Variants in DCLK1 observed in about 807,000 individuals in gnomAD.
DCLK1 encodes doublecortin like kinase 1.
A neutral mutation model predicts 86.2 loss-of-function variants in DCLK1; 16 were observed. That is an observed-to-expected ratio of 0.19 (90% CI 0.13 to 0.28). The LOEUF is 0.28. DCLK1 is among the 10% of genes least tolerant of loss of function. DCLK1 has a pLI of 1.00. For synonymous variants in DCLK1, 369 were observed against 370.5 expected, an observed-to-expected ratio of 1.00 and a Z score of 0.05; for missense variants, 590 against 940.2, an observed-to-expected ratio of 0.63 and a Z score of 4.87.
intron 3 of DCLK1, among the ~76,000 whole-genome samples, chr13:36,099,842 A>G (rs1259104020): frequency 6.6e-6 from 1 of 152,164 alleles, no homozygotes; most frequent in Non-Finnish European, 1.5e-5. Context: ...GTACAATACA[A>G]TAATACATGA....
chr13:36,026,083 C>G (rs766998974), intron 3 of DCLK1, among the ~76,000 whole-genome samples: 1 of 152,138 alleles, frequency 6.6e-6, no homozygotes, highest in African/African-American at 2.4e-5. Context: ...GTTAGCTATA[C>G]ATTTATTCAT....
intron 3 of DCLK1, among the ~76,000 whole-genome samples, chr13:36,055,643 A>G (rs1883275753): frequency 6.6e-6 from 1 of 152,284 alleles, no homozygotes; most frequent in South Asian, 2.1e-4. Context: ...ACAAATTCAG[A>G]CACCACACTG....
rs1246814746 is a variant in DCLK1 at position 36,110,769 on chromosome 13, C to G, written c.723+1100G>C. ...AAACTTCCAGCAAAGATAGTGTGCT[C>G]AAAAGTATAATCTGGTAAACTCTGA... is the stretch of plus-strand genomic sequence containing the variant. On this transcript the variant is annotated intron_variant, in intron 3 of 16. Coordinates refer to ENST00000360631, the MANE Select transcript of DCLK1 (RefSeq NM_001330071.2). Among the ~76,000 whole-genome samples, 6 of 150,880 alleles carry G rather than the reference C, an allele frequency of 4.0e-5. No individual in the cohort carries two copies. In the South Asian group the frequency reaches 8.4e-4, roughly 21 times the overall value.
At chr13:36,007,825 C>T (rs933215155) in intron 3 of DCLK1, among the ~76,000 whole-genome samples, 2 of 152,066 alleles carry the variant, frequency 1.3e-5, no homozygotes, top group Non-Finnish European at 2.9e-5. Context: ...CATCTGATCA[C>T]TTTTGGCATA....
At chr13:35,826,416 G>GCTGAGGCA (rs1244600644) in intron 10 of DCLK1, among the ~76,000 whole-genome samples, 1 of 151,188 alleles carries the variant, frequency 6.6e-6, no homozygotes, top group Non-Finnish European at 1.5e-5. Flanking sequence ...CCAGCTACTA[G>GCTGAGGCA]GGAGGCTGAG....
At chr13:35,848,026 T>C (rs1870337355) in intron 6 of DCLK1, 1 of 985,172 alleles carries the variant, frequency 1.0e-6, no homozygotes, top group Non-Finnish European at 1.2e-6. Context: ...AGCAGGGAAA[T>C]ATTCCTAATA....
chr13:36,045,274 T>G (rs565705258), intron 3 of DCLK1, among the ~76,000 whole-genome samples: 22 of 136,964 alleles, frequency 1.6e-4, no homozygotes, highest in African/African-American at 5.4e-4. Flanking sequence ...TATATATATA[T>G]AGAAGATATA....
chr13:36,068,344 T>G (rs545240858), intron 3 of DCLK1, among the ~76,000 whole-genome samples: 1 of 152,312 alleles, frequency 6.6e-6, no homozygotes, highest in African/African-American at 2.4e-5. Flanking sequence ...TAAGAGGCCA[T>G]GTAAATCAAT....
intron 3 of DCLK1, among the ~76,000 whole-genome samples, chr13:35,966,664 C>T (rs1878756934): frequency 1.3e-5 from 2 of 152,050 alleles, no homozygotes; most frequent in Admixed American, 6.6e-5. Flanking sequence ...ACCGCCACGC[C>T]TGACTGGTTT....
chr13:35,847,250 A>T (rs1870250017), intron 6 of DCLK1: 1 of 985,302 alleles, frequency 1.0e-6, no homozygotes, highest in Non-Finnish European at 1.2e-6. Flanking sequence ...CATTTGCCAT[A>T]CCAGTTGAGC....
intron 16 of DCLK1, among the ~76,000 whole-genome samples, chr13:35,789,534 T>C (rs1233139889): frequency 6.6e-6 from 1 of 152,214 alleles, no homozygotes; most frequent in African/African-American, 2.4e-5. Flanking sequence ...AAGTGTCATA[T>C]AACAGGTCTC....
At chr13:36,084,304 G>A (rs1884522131) in intron 3 of DCLK1, among the ~76,000 whole-genome samples, 1 of 152,142 alleles carries the variant, frequency 6.6e-6, no homozygotes, top group Non-Finnish European at 1.5e-5. Context: ...CATGATTCTT[G>A]GTTTTAGAAA....
intron 5 of DCLK1, chr13:35,869,177 A>C: frequency 2.0e-6 from 1 of 492,672 alleles, no homozygotes; most frequent in Non-Finnish European, 4.1e-6. Flanking sequence ...TTAACCTGTC[A>C]GCTGGACAAG....
intron 3 of DCLK1, among the ~76,000 whole-genome samples, chr13:36,015,510 A>G (rs957312984): frequency 3.3e-5 from 5 of 152,186 alleles, no homozygotes; most frequent in African/African-American, 1.2e-4. Context: ...CAATCTTACC[A>G]TAAGTTATTG....
At chr13:36,056,780 C>T (rs1186345292) in intron 3 of DCLK1, among the ~76,000 whole-genome samples, 2 of 150,174 alleles carry the variant, frequency 1.3e-5, no homozygotes, top group Non-Finnish European at 3.0e-5. Context: ...CCTGTAGTCC[C>T]AGCTACTTGG....
intron 2 of DCLK1, among the ~76,000 whole-genome samples, chr13:36,122,149 T>C (rs1322665161): frequency 6.6e-6 from 1 of 152,078 alleles, no homozygotes; most frequent in Non-Finnish European, 1.5e-5. Context: ...TAGGAAAAGA[T>C]GGGTAACCCA....
At chr13:35,816,087 C>A (rs1354371171) in intron 11 of DCLK1, among the ~76,000 whole-genome samples, 1 of 152,158 alleles carries the variant, frequency 6.6e-6, no homozygotes, top group Non-Finnish European at 1.5e-5. Flanking sequence ...CAGCGAGATA[C>A]ACAAAACATG....
In DCLK1 at chr13:35,961,993, T is replaced by C. The variant is rs146817326; in HGVS notation, c.724-14536A>G. On this transcript the variant is annotated intron_variant, in intron 3 of 16. Coordinates refer to ENST00000360631, the MANE Select transcript of DCLK1 (RefSeq NM_001330071.2). Reference sequence around the variant, plus strand: ...TTCTGAAGCAATCAAGCCATAAACTTCTTTTTGAAATTATTTGTAGTGTTA... The same window carrying C: ...TTCTGAAGCAATCAAGCCATAAACTCCTTTTTGAAATTATTTGTAGTGTTA... Among the ~76,000 whole-genome samples the C allele has an allele frequency of 9.0e-3, 1,364 of 152,316 alleles. 15 individuals carry two copies. The highest frequency in any genetic ancestry group is 0.031 in the African/African-American group (1,292 of 41,572).
At chr13:35,802,227 G>A (rs902396413) in intron 15 of DCLK1, among the ~76,000 whole-genome samples, 3 of 151,962 alleles carry the variant, frequency 2.0e-5, no homozygotes, top group African/African-American at 7.3e-5. Context: ...AGCTACTTGG[G>A]AGGCTGAGGC....
Sources: gnomAD v4.1 joint callset for allele counts (sites outside exome capture counted in the v4.1 genomes callset) on GRCh38, gnomAD v4.1.1 for gene constraint, MANE v1.5 for transcripts, NCBI Gene and HGNC (gene_info 2026-07-23, HGNC 2026-07-21) for gene names.